Variants in METTL2B observed in about 807,000 individuals in gnomAD.
METTL2B encodes the protein methyltransferase 2B, tRNA N3-cytidine.
Under a neutral mutation model 51.0 loss-of-function variants are expected in METTL2B, and 28 were observed. The ratio of observed to expected loss-of-function variants is 0.55; its 90% CI spans 0.41 to 0.75. The LOEUF (loss-of-function observed/expected upper bound fraction) is 0.75. Ranked by LOEUF, METTL2B falls within the 30% of genes least tolerant of loss-of-function variation. The pLI is 0.00. For missense variants in METTL2B, 313 were observed against 460.7 expected, an observed-to-expected ratio of 0.68 and a Z score of 2.93; for synonymous variants, 128 against 166.3, an observed-to-expected ratio of 0.77 and a Z score of 1.77.
In METTL2B at chr7:128,505,097, CAA is replaced by C. The variant is rs60476282; in HGVS notation, c.*3201_*3202del. 2.7e-4 allele frequency: 16 copies of C among 58,864 alleles called. No individual in the cohort carries two copies. Among genetic ancestry groups the C allele is most frequent in the African/African-American group, 5.9e-4 (8 of 13,500 alleles). 3.6% of individuals were successfully genotyped at this position (58,864 alleles called of 1,614,324 possible). A position where few individuals can be genotyped will look rare whatever the true frequency, so the allele number is the denominator to read the frequency against. On this transcript the variant is annotated 3_prime_UTR_variant, in exon 9 of 9. Transcript: ENST00000262432. The stretch of plus-strand genomic sequence containing the variant: ...GGGCAACAAGAGTGAAACTCCGTCT[CAA>C]AAAAAAAAAAAAAAAAAAATTAGCT...
intron 6 of METTL2B, among the ~76,000 whole-genome samples, chr7:128,495,267 C>T (rs1383501747): frequency 1.3e-5 from 2 of 152,032 alleles, no homozygotes; most frequent in African/African-American, 2.4e-5. Flanking sequence ...ATTAGCAACA[C>T]GAAATTTACA....
intron 5 of METTL2B, among the ~76,000 whole-genome samples, chr7:128,489,539 G>A (rs1456537707): frequency 6.6e-6 from 1 of 151,838 alleles, no homozygotes; most frequent in Non-Finnish European, 1.5e-5. Context: ...GGAGGGTCTT[G>A]CCTTGATATT....
intron 5 of METTL2B, among the ~76,000 whole-genome samples, chr7:128,490,766 C>T (rs1259635019): frequency 1.3e-5 from 2 of 152,166 alleles, no homozygotes; most frequent in East Asian, 1.9e-4. Flanking sequence ...GTTAACACAA[C>T]CTAGCTGATA....
Position 128,498,063 on chromosome 7 carries a change from C to T in METTL2B, c.837C>T (p.Ser279=), listed in dbSNP as rs761251256. Residue 279 remains serine, a synonymous_variant, in exon 7 of 9, where the codon AGC becomes AGT. Coordinates refer to ENST00000262432, the MANE Select transcript of METTL2B (RefSeq NM_018396.3). ...TGCAGAAGGCTATCAACAGGCTGAG[C>T]AGGCTTCTGAAACCTGGGGGGATGG... ...DKMQKAINRL[S]RLLKPGGMVL... The T allele has an allele frequency of 3.1e-5, 50 of 1,613,674 alleles. No individual in the cohort carries two copies. The highest frequency in any genetic ancestry group is 4.2e-5 in the Non-Finnish European group (49 of 1,179,816).
rs113594945 is a variant in METTL2B at position 128,479,681 on chromosome 7, C to T, written c.558+168C>T. Among the ~76,000 whole-genome samples, 460 of 152,266 alleles carry T rather than the reference C, an allele frequency of 3.0e-3. 2 individuals are homozygous for T. Among genetic ancestry groups the T allele is most frequent in the Non-Finnish European group, 5.0e-3 (338 of 68,028 alleles). Reference sequence around the variant, plus strand: ...CTCCATTTTTGAACTGATAAAATGCCCTCAGTGCAGACCAGATATCTGGTG... The same window carrying T: ...CTCCATTTTTGAACTGATAAAATGCTCTCAGTGCAGACCAGATATCTGGTG... On this transcript the variant is annotated intron_variant, in intron 3 of 8. Transcript: ENST00000262432.
chr7:128,501,103 C>T, intron 8 of METTL2B, 135 bp downstream of exon 8: 2 of 1,526,236 alleles, frequency 1.3e-6, no homozygotes, highest in Non-Finnish European at 1.8e-6. Context: ...CTGCTCACAC[C>T]CTCTTCCACC....
At chr7:128,482,629 G>A (rs1186282854) in intron 4 of METTL2B, among the ~76,000 whole-genome samples, 1 of 152,178 alleles carries the variant, frequency 6.6e-6, no homozygotes, top group Non-Finnish European at 1.5e-5. Flanking sequence ...TGCCTCCTGG[G>A]TTCAAGCGAT....
chr7:128,481,801 C>T (rs1799876021), intron 4 of METTL2B, among the ~76,000 whole-genome samples: 3 of 152,154 alleles, frequency 2.0e-5, no homozygotes, highest in Non-Finnish European at 2.9e-5. Flanking sequence ...TGCCACCATA[C>T]CCAGCTAATT....
Position 128,476,801 on chromosome 7 carries a change from C to G in METTL2B, c.36C>G (p.Ile12Met). The stretch of plus-strand genomic sequence containing the variant: ...CCTACCCTGAAGGTGCACCTGCAAT[C>G]CTCGCCGATAAGAGGCAGCAGTTCG... ...AGSYPEGAPA[I>M]LADKRQQFGS... Residue 12 changes from isoleucine to methionine, a missense_variant, in exon 1 of 9, where the codon ATC becomes ATG. Transcript: ENST00000262432. 6.2e-7 allele frequency: 1 copy of G among 1,614,196 alleles called. No homozygotes were observed. Among genetic ancestry groups the G allele is most frequent in the Non-Finnish European group, 8.5e-7 (1 of 1,180,034 alleles).
intron 4 of METTL2B, among the ~76,000 whole-genome samples, chr7:128,487,161 T>A (rs1792734047): frequency 6.6e-6 from 1 of 152,196 alleles, no homozygotes. Context: ...ATGCTGCAGT[T>A]CCCCGGGTTT....
At chr7:128,482,235 C>G (rs934768665) in intron 4 of METTL2B, among the ~76,000 whole-genome samples, 79 of 152,208 alleles carry the variant, frequency 5.2e-4, no homozygotes, top group African/African-American at 1.8e-3. Flanking sequence ...CTCATTGCAA[C>G]CTCCGCCTTC....
intron 7 of METTL2B, among the ~76,000 whole-genome samples, chr7:128,499,662 GCA>G (rs1397373054): frequency 0.2 from 27,861 of 136,816 alleles, 3,804 homozygotes; most frequent in East Asian, 0.44. Context: ...GAGACTACAG[GCA>G]TGTGCCACCA....
At chr7:128,500,496 C>T (rs1170244894) in intron 7 of METTL2B, among the ~76,000 whole-genome samples, 1 of 152,038 alleles carries the variant, frequency 6.6e-6, no homozygotes, top group African/African-American at 2.4e-5. Flanking sequence ...GTGGTGGGAA[C>T]CTGTAATCCC....
In METTL2B at chr7:128,476,844, G is replaced by T; in HGVS notation, c.79G>T (p.Asp27Tyr). ...RQQFGSRFLS[D>Y]PARVFHHNAW... ...GCAGTTCGGAAGCCGGTTCCTGAGC[G>T]ATCCGGCGCGCGTCTTCCACCACAA... Residue 27 changes from aspartate to tyrosine, a missense_variant, in exon 1 of 9, where the codon GAT becomes TAT. Asp to Tyr is a radical substitution (Grantham distance 160, BLOSUM62 -3). This residue lies in a region of METTL2B where 66 missense variants were observed against 58.2 expected (regional missense o/e 1.13). Transcript: ENST00000262432. The T allele has an allele frequency of 1.2e-6, 2 of 1,614,070 alleles. No homozygotes were observed. The highest frequency in any genetic ancestry group is 2.2e-5 in the South Asian group (2 of 91,074).
chr7:128,491,574 A>G (rs1228166714), intron 5 of METTL2B, among the ~76,000 whole-genome samples: 1 of 151,196 alleles, frequency 6.6e-6, no homozygotes, highest in Non-Finnish European at 1.5e-5. Flanking sequence ...AGCCTGGGCT[A>G]CAAGAGCGAA....
chr7:128,484,231 T>TTTTTTTTTTG (rs1792652352), intron 4 of METTL2B: 7 of 108,802 alleles, frequency 6.4e-5, no homozygotes, highest in Non-Finnish European at 1.2e-4. Flanking sequence ...TTTTTTTTTT[T>TTTTTTTTTTG]TTTTTTTTTT....
rs989349438 is a variant in METTL2B, at chr7:128,502,618, G to A, written c.*702G>A. The A allele has an allele frequency of 1.3e-5, 6 of 453,516 alleles. No homozygotes were observed. The highest frequency in any genetic ancestry group is 7.1e-5 in the Admixed American group (3 of 42,420). 28.1% of individuals were successfully genotyped at this position (453,516 alleles called of 1,614,324 possible). A position where few individuals can be genotyped will look rare whatever the true frequency, so the allele number is the denominator to read the frequency against. On this transcript the variant is annotated 3_prime_UTR_variant, in exon 9 of 9. Coordinates refer to ENST00000262432, the MANE Select transcript of METTL2B (RefSeq NM_018396.3). ...TGGTCTTTGCTTTAATCTTAGTTCC[G>A]CCAGGCACGGTGGCTCACACCTGTA...
rs777233773 is a variant in METTL2B, at chr7:128,477,047, G to T, written c.111-35G>T. On this transcript the variant is annotated intron_variant, in intron 1 of 8. Coordinates refer to ENST00000262432, the MANE Select transcript of METTL2B (RefSeq NM_018396.3). ...GACTCACCCTGCTCGCAGCCAGGAC[G>T]TGAAGCCCCTAAGCTGCCCGTTTGA... 1.9e-6 allele frequency: 3 copies of T among 1,614,116 alleles called. No homozygotes were observed. The South Asian group carries it at 3.3e-5, about 18-fold the overall frequency.
At chr7:128,489,852 T>C (rs1792796591) in intron 5 of METTL2B, among the ~76,000 whole-genome samples, 2 of 151,734 alleles carry the variant, frequency 1.3e-5, no homozygotes, top group African/African-American at 2.4e-5. Context: ...ATGGTCTCGA[T>C]CTCCTGACCT....
Sources: allele counts gnomAD v4.1 joint callset (sites outside exome capture counted in the v4.1 genomes callset), GRCh38; gene constraint gnomAD v4.1.1; regional missense constraint gnomAD v4.1.1; transcripts MANE v1.5; gene names NCBI Gene and HGNC (gene_info 2026-07-23, HGNC 2026-07-21).